The following MMAB variants were observed in gnomAD, a reference collection of about 807,000 sequenced individuals.
The protein encoded by MMAB is metabolism of cobalamin associated B.
MMAB carries 17 observed loss-of-function variants against 30.6 expected under a neutral mutation model. The ratio of observed to expected loss-of-function variants is 0.56; its 90% CI spans 0.38 to 0.83. The LOEUF is 0.83. Among genes scored for constraint, MMAB ranks in the 40% least tolerant of loss-of-function variants. The probability of loss-of-function intolerance (pLI) is 0.00; values close to 1 mark genes in which losing one functional copy is unlikely to be tolerated. For missense variants in MMAB, 311 were observed against 331.6 expected (o/e 0.94, Z 0.48); for synonymous variants, 134 against 138.6 (o/e 0.97, Z 0.23).
chr12:109,558,830 G>A lies in MMAB; in HGVS notation c.644+266C>T, dbSNP rs1884081791. ...CCCCGCAATGCCACTTTGCACTTAG[G>A]TTTTTCTTCCTGGTTTTTACAGCAG... On this transcript the variant is annotated intron_variant, in intron 8 of 8. Coordinates refer to ENST00000545712, the MANE Select transcript of MMAB (RefSeq NM_052845.4). The surrounding 1 kb of genome is among the most constrained non-coding windows in gnomAD (Gnocchi z 4.3). Among the ~76,000 whole-genome samples the A allele has an allele frequency of 6.6e-6, 1 of 151,700 alleles. No homozygotes were observed. Among genetic ancestry groups the A allele is most frequent in the African/African-American group, 2.4e-5 (1 of 41,268 alleles).
At chr12:109,559,210 G>T in intron 7 of MMAB, 55 bp from the exon 8 acceptor site, 1 of 1,340,118 alleles carries the variant, frequency 7.5e-7, no homozygotes, top group South Asian at 1.2e-5. Context: ...AACAGGCTCT[G>T]ACCTGGGCCT....
rs1883901484 is a variant in MMAB at position 109,554,698 on chromosome 12, T to C, written c.*2330A>G. 2.2e-6 allele frequency: 1 copy of C among 454,006 alleles called. No homozygotes were observed. The highest frequency in any genetic ancestry group is 4.4e-6 in the Non-Finnish European group (1 of 226,778). The allele number at this position is 454,006 out of a possible 1,614,324, so 28.1% of individuals were successfully genotyped here. On this transcript the variant is annotated 3_prime_UTR_variant, in exon 9 of 9. Coordinates refer to ENST00000545712, the MANE Select transcript of MMAB (RefSeq NM_052845.4). ...TTAACTTTTCCCACCTGGTTCAAAATATGGGAGGACATTTGCTCAGTGTAC... is the reference window on the plus strand; with the variant it reads ...TTAACTTTTCCCACCTGGTTCAAAACATGGGAGGACATTTGCTCAGTGTAC...
Position 109,555,011 on chromosome 12 carries a change from G to A in MMAB, c.*2017C>T. ...CATCCAGGCTGTGACACCCGGTCCT[G>A]GAAGGACAGGACTTGGCAACAGGTG... On this transcript the variant is annotated 3_prime_UTR_variant, in exon 9 of 9. Transcript: ENST00000545712. 2.2e-6 allele frequency: 1 copy of A among 454,122 alleles called. No individual in the cohort carries two copies. Among genetic ancestry groups the A allele is most frequent in the Non-Finnish European group, 4.4e-6 (1 of 226,790 alleles). 28.1% of individuals were successfully genotyped at this position (454,122 alleles called of 1,614,324 possible).
intron 1 of MMAB, 26 bp downstream of exon 1, chr12:109,573,320 GA>G: frequency 1.9e-6 from 3 of 1,611,686 alleles, no homozygotes; most frequent in Non-Finnish European, 2.5e-6. Flanking sequence ...GCAGGTGTTC[GA>G]GTTGCCCTTC....
chr12:109,564,027 G>A (rs751531138), intron 4 of MMAB, among the ~76,000 whole-genome samples: 1 of 152,210 alleles, frequency 6.6e-6, no homozygotes, highest in East Asian at 1.9e-4. Context: ...TGAGTCCCAC[G>A]GGCTGAGGGC....
Position 109,561,164 on chromosome 12 carries a change from G to A in MMAB, c.520-60C>T. On this transcript the variant is annotated intron_variant, in intron 6 of 8. Transcript: ENST00000545712. The surrounding 1 kb of genome is among the most constrained non-coding windows in gnomAD (Gnocchi z 5.3). The stretch of plus-strand genomic sequence containing the variant: ...GGGAAAGGTGTGCCCACTGCGGACA[G>A]GAGCTCCTCTGAAGTCCAGCCCTGC... 6.3e-7 allele frequency: 1 copy of A among 1,599,596 alleles called. No individual in the cohort carries two copies. The highest frequency in any genetic ancestry group is 1.1e-5 in the South Asian group (1 of 91,044).
rs1003295643 is a variant in MMAB at position 109,554,189 on chromosome 12, C to A, written c.*2839G>T. ...CTCCCCAGGACAACTTGGTTCCCCA[C>A]CCAATGCCTCCTTCCAGGGCTGCTA... On this transcript the variant is annotated 3_prime_UTR_variant, in exon 9 of 9. Transcript: ENST00000545712. 8.8e-6 allele frequency: 4 copies of A among 453,222 alleles called. No individual in the cohort carries two copies. The Admixed American group carries it at 9.4e-5, about 11-fold the overall frequency. 28.1% of individuals were successfully genotyped at this position (453,222 alleles called of 1,614,324 possible).
rs746823302 is a variant in MMAB at position 109,555,275 on chromosome 12, G to GTTTT, written c.*1749_*1752dup. The GTTTT allele has an allele frequency of 0.014, 4,725 of 341,038 alleles. 92 individuals carry two copies. The highest frequency in any genetic ancestry group is 0.021 in the South Asian group (1,060 of 51,404). 21.1% of individuals were successfully genotyped at this position (341,038 alleles called of 1,614,324 possible). A position where few individuals can be genotyped will look rare whatever the true frequency, so the allele number is the denominator to read the frequency against. The stretch of plus-strand genomic sequence containing the variant: ...GAGCCTTAGTGATTGCGTTTTCAGG[G>GTTTT]TTTTTTTTTTTTTTTTTTTTTTTTT... On this transcript the variant is annotated 3_prime_UTR_variant, in exon 9 of 9. Transcript: ENST00000545712.
Position 109,568,915 on chromosome 12 carries a change from T to C in MMAB, c.197-52A>G, listed in dbSNP as rs752703985. The C allele has an allele frequency of 6.2e-6, 8 of 1,295,202 alleles. No homozygotes were observed. In the Admixed American group the frequency reaches 1.2e-4, roughly 19 times the overall value. 80.2% of individuals were successfully genotyped at this position (1,295,202 alleles called of 1,614,324 possible). A position where few individuals can be genotyped will look rare whatever the true frequency, so the allele number is the denominator to read the frequency against. ...AAATTAAGATTCTGTTTTCCTGATA[T>C]GCTGTTTTTTTTTTTTTAAACTTTC... is the stretch of plus-strand genomic sequence containing the variant. On this transcript the variant is annotated intron_variant, in intron 2 of 8. Transcript: ENST00000545712.
chr12:109,560,739 A>C (rs528959974), intron 7 of MMAB, among the ~76,000 whole-genome samples: 53 of 152,276 alleles, frequency 3.5e-4, no homozygotes, highest in South Asian at 1.0e-3. Flanking sequence ...ACAAGGTGCA[A>C]TTGTGTTGTC....
At chr12:109,568,705 A>G (rs906997097) in intron 3 of MMAB, 65 bp downstream of exon 3, 2 of 1,236,058 alleles carry the variant, frequency 1.6e-6, no homozygotes, top group Admixed American at 1.7e-5. Context: ...TGAGAGCTTC[A>G]CATTCATTAC....
intron 2 of MMAB, among the ~76,000 whole-genome samples, chr12:109,570,590 G>C (rs1209106620): frequency 6.6e-6 from 1 of 152,088 alleles, no homozygotes; most frequent in East Asian, 1.9e-4. Flanking sequence ...ATACTGTCTT[G>C]GTGCGGTAGC....
At chr12:109,559,355 A>C (rs1249150930) in intron 7 of MMAB, among the ~76,000 whole-genome samples, 200 bp from the exon 8 acceptor site, 1 of 152,198 alleles carries the variant, frequency 6.6e-6, no homozygotes, top group African/African-American at 2.4e-5. Flanking sequence ...AGCACATCGC[A>C]GGACGGCCTG....
Position 109,554,984 on chromosome 12 carries a change from A to G in MMAB, c.*2044T>C, listed in dbSNP as rs564038962. Reference sequence around the variant, plus strand: ...GCGGGGGTCTGAGAACGCGACTGTTAACATCCAGGCTGTGACACCCGGTCC... The same window carrying G: ...GCGGGGGTCTGAGAACGCGACTGTTGACATCCAGGCTGTGACACCCGGTCC... On this transcript the variant is annotated 3_prime_UTR_variant, in exon 9 of 9. Transcript: ENST00000545712. 4.4e-6 allele frequency: 2 copies of G among 454,070 alleles called. No homozygotes were observed. 28.1% of individuals were successfully genotyped at this position (454,070 alleles called of 1,614,324 possible).
At position 109,561,012 on chromosome 12, in the gene MMAB, G is replaced by GCCCTCTCCCTCTCTCCAGCCCTCTTA; in HGVS notation, c.584+2_584+27dup. On this transcript the variant is annotated intron_variant, in intron 7 of 8. Transcript: ENST00000545712. The surrounding 1 kb of genome is among the most constrained non-coding windows in gnomAD (Gnocchi z 5.3). ...CCTTGTTCCTCTCCCTCTCCCTTGG[G>GCCCTCTCCCTCTCTCCAGCCCTCTTA]CCCTCTCCCTCTCTCCAGCCCTCTT... is the stretch of plus-strand genomic sequence containing the variant. The GCCCTCTCCCTCTCTCCAGCCCTCTTA allele has an allele frequency of 1.5e-6, 2 of 1,328,108 alleles. No homozygotes were observed. Among genetic ancestry groups the GCCCTCTCCCTCTCTCCAGCCCTCTTA allele is most frequent in the Admixed American group, 3.5e-5 (2 of 57,034 alleles). The allele number at this position is 1,328,108 out of a possible 1,614,324, so 82.3% of individuals were successfully genotyped here.
rs547657965 is a variant in MMAB at position 109,558,702 on chromosome 12, G to A, written c.644+394C>T. On this transcript the variant is annotated intron_variant, in intron 8 of 8. Coordinates refer to ENST00000545712, the MANE Select transcript of MMAB (RefSeq NM_052845.4). This position sits in a 1 kb window ranked among gnomAD's most constrained non-coding sequence, Gnocchi z 4.3. ...GGTTCATGCTGCCGCAGGCCCTCTC[G>A]GGGACAGGAAACTGGCTGAGAGAGG... 3.6e-4 allele frequency among the ~76,000 whole-genome samples: 54 copies of A among 151,984 alleles called. No homozygotes were observed. The highest frequency in any genetic ancestry group is 1.0e-3 in the African/African-American group (43 of 41,444).
At position 109,553,921 on chromosome 12, in the gene MMAB, ATG is replaced by A. The variant is rs990967133; in HGVS notation, c.*3105_*3106del. ...CGAACTGGGGACGTTTGTCATTGGG[ATG>A]TGTTACAAGTTCGGGCTGTGGAAAT... On this transcript the variant is annotated 3_prime_UTR_variant, in exon 9 of 9. Transcript: ENST00000545712. 6.6e-6 allele frequency: 3 copies of A among 453,896 alleles called. No individual in the cohort carries two copies. The highest frequency in any genetic ancestry group is 4.0e-5 in the African/African-American group (2 of 49,958). The allele number at this position is 453,896 out of a possible 1,614,324, so 28.1% of individuals were successfully genotyped here.
rs1258486970 is a variant in MMAB, at chr12:109,561,096, GC to G, written c.527del (p.Gly176AlafsTer38). On this transcript the variant is annotated frameshift_variant, in exon 7 of 9. Transcript: ENST00000545712. LOFTEE classifies it high-confidence loss of function. This position sits in a 1 kb window ranked among gnomAD's most constrained non-coding sequence, Gnocchi z 5.3. ...AGAAATGCAGCGCCGAGCTGATCTT[GC>G]CTCCCGACTGAAAGGAGAAAGGGAC... ...PLTAFILPSG[G>X]KISSALHFCR... 6.2e-7 allele frequency: 1 copy of G among 1,610,468 alleles called. No homozygotes were observed. Among genetic ancestry groups the G allele is most frequent in the Non-Finnish European group, 8.5e-7 (1 of 1,179,948 alleles).
Position 109,565,168 on chromosome 12 carries a change from A to G in MMAB, c.299T>C (p.Leu100Pro). The G allele has an allele frequency of 1.2e-6, 2 of 1,613,806 alleles. No individual in the cohort carries two copies. Among genetic ancestry groups the G allele is most frequent in the Non-Finnish European group, 1.7e-6 (2 of 1,179,728 alleles). Residue 100 changes from leucine to proline, a missense_variant, in exon 4 of 9, where the codon CTG becomes CCG. By Grantham distance (98) the Leu-to-Pro change is moderately conservative (BLOSUM62 -3). Transcript: ENST00000545712. Reference protein sequence around the residue: ...DELSSAIGFALELVTEKGHTF... With the variant: ...DELSSAIGFAPELVTEKGHTF... The stretch of plus-strand genomic sequence containing the variant: ...ATGGCCCTTTTCTGTGACTAATTCC[A>G]GAGCAAACCTATGAAGAAAAAGGAA...
Sources: gnomAD v4.1 joint callset for allele counts (sites outside exome capture counted in the v4.1 genomes callset) on GRCh38, gnomAD v4.1.1 for gene constraint, Gnocchi (gnomAD v3.1) non-coding constraint, MANE v1.5 for transcripts, NCBI Gene and HGNC (gene_info 2026-07-23, HGNC 2026-07-21) for gene names.